Variants in ACOXL observed in about 807,000 individuals in gnomAD.
ACOXL encodes the protein acyl-CoA oxidase like.
ACOXL carries 70 observed loss-of-function variants against 71.9 expected under a neutral mutation model. The ratio of observed to expected loss-of-function variants is 0.97; its 90% confidence interval spans 0.80 to 1.19. The LOEUF (loss-of-function observed/expected upper bound fraction) is 1.19. ACOXL is among the 50% of genes most tolerant of loss of function. The pLI, the probability that ACOXL is intolerant of heterozygous loss-of-function variation, is 0.00. For synonymous variants in ACOXL, 253 were observed against 281.6 expected, an observed-to-expected ratio of 0.90 and a Z score of 1.02; for missense variants, 703 against 736.3, an observed-to-expected ratio of 0.95 and a Z score of 0.52.
At chr2:110,929,423 A>G (rs1393335004) in intron 11 of ACOXL, among the ~76,000 whole-genome samples, 2 of 152,238 alleles carry the variant, frequency 1.3e-5, no homozygotes, top group African/African-American at 4.8e-5. Flanking sequence ...GGCATTCAAG[A>G]GATGACTTGG....
intron 12 of ACOXL, among the ~76,000 whole-genome samples, chr2:110,937,495 T>C (rs2060708899): frequency 6.6e-6 from 1 of 152,254 alleles, no homozygotes; most frequent in African/African-American, 2.4e-5. Context: ...TCCATTTTTG[T>C]TCCTTCCCTT....
At chr2:110,968,150 C>T in intron 12 of ACOXL, 1 of 1,298,558 alleles carries the variant, frequency 7.7e-7, no homozygotes, top group Non-Finnish European at 1.1e-6. Flanking sequence ...CTGCTGCTGG[C>T]CCGCAGGCTT....
intron 2 of ACOXL, among the ~76,000 whole-genome samples, chr2:110,780,730 G>A (rs530792806): frequency 6.6e-6 from 1 of 152,120 alleles, no homozygotes; most frequent in African/African-American, 2.4e-5. Flanking sequence ...AGTGGATGGT[G>A]ATACAAAAAG....
intron 17 of ACOXL, among the ~76,000 whole-genome samples, chr2:111,116,847 A>G (rs2070391501): frequency 6.6e-6 from 1 of 151,906 alleles, no homozygotes; most frequent in South Asian, 2.1e-4. Flanking sequence ...CACCTAAGCC[A>G]TGGAAAATGA....
Position 111,094,999 on chromosome 2 carries a change from G to A in ACOXL, c.1542+2033G>A, listed in dbSNP as rs971847110. On this transcript the variant is annotated intron_variant, in intron 17 of 17. Transcript: ENST00000439055. ...AGTAGAAGATGCCAGCCTTCATAAA[G>A]GACAGGCCCAGAACTAACAGTGTTA... Among the ~76,000 whole-genome samples, 3 of 152,252 alleles carry A rather than the reference G, an allele frequency of 2.0e-5. No homozygotes were observed. In the East Asian group the frequency reaches 5.8e-4, roughly 29 times the overall value.
At chr2:110,921,639 C>T (rs1010448105) in intron 11 of ACOXL, among the ~76,000 whole-genome samples, 10 of 151,922 alleles carry the variant, frequency 6.6e-5, no homozygotes, top group African/African-American at 1.5e-4. Flanking sequence ...GTGATCTGCC[C>T]GCCTTGGCCT....
chr2:110,820,074 G>T (rs188142868), intron 9 of ACOXL, among the ~76,000 whole-genome samples: 68 of 152,286 alleles, frequency 4.5e-4, no homozygotes, highest in Non-Finnish European at 7.8e-4. Context: ...AGACTTCCGT[G>T]TGGTCGTGGT....
intron 16 of ACOXL, among the ~76,000 whole-genome samples, chr2:111,061,887 A>G (rs2149885309): frequency 6.6e-6 from 1 of 152,176 alleles, no homozygotes; most frequent in African/African-American, 2.4e-5. Context: ...ACTCTAAAAA[A>G]TGCCCAAGTC....
chr2:111,112,115 T>G (rs1444865024), intron 17 of ACOXL, among the ~76,000 whole-genome samples: 1 of 152,264 alleles, frequency 6.6e-6, no homozygotes, highest in African/African-American at 2.4e-5. Context: ...TGCTAAATAT[T>G]GTTTATCAAC....
At chr2:110,826,295 A>G (rs1169071200) in intron 9 of ACOXL, among the ~76,000 whole-genome samples, 1 of 152,180 alleles carries the variant, frequency 6.6e-6, no homozygotes, top group Non-Finnish European at 1.5e-5. Context: ...AATATTTAAT[A>G]TTGTACTCAA....
intron 16 of ACOXL, among the ~76,000 whole-genome samples, chr2:111,053,123 C>G (rs966289231): frequency 5.9e-5 from 9 of 152,166 alleles, no homozygotes; most frequent in African/African-American, 2.2e-4. Context: ...AATTAGACCA[C>G]CCCAAAGACC....
At chr2:111,076,878 T>A (rs2067627883) in intron 16 of ACOXL, among the ~76,000 whole-genome samples, 1 of 152,158 alleles carries the variant, frequency 6.6e-6, no homozygotes, top group Non-Finnish European at 1.5e-5. Context: ...CTTCTGGCAT[T>A]CCTTGACTGT....
intron 16 of ACOXL, among the ~76,000 whole-genome samples, chr2:111,057,857 A>G (rs2066622738): frequency 1.3e-5 from 2 of 152,260 alleles, no homozygotes; most frequent in Non-Finnish European, 2.9e-5. Context: ...AAGCATCTAA[A>G]TAAGTATCTA....
chr2:111,066,838 ACT>A (rs904583406), intron 16 of ACOXL, among the ~76,000 whole-genome samples: 1 of 152,174 alleles, frequency 6.6e-6, no homozygotes, highest in African/African-American at 2.4e-5. Flanking sequence ...TGGGGATTTA[ACT>A]CTCATACATT....
intron 17 of ACOXL, among the ~76,000 whole-genome samples, chr2:111,097,339 G>A (rs1427828393): frequency 6.6e-6 from 1 of 152,158 alleles, no homozygotes; most frequent in African/African-American, 2.4e-5. Flanking sequence ...CTTACACAGA[G>A]ATGAGAAAAC....
intron 12 of ACOXL, chr2:110,968,184 C>A: frequency 8.7e-7 from 1 of 1,146,268 alleles, no homozygotes; most frequent in South Asian, 1.2e-5. Flanking sequence ...GCACAGACAA[C>A]ATCTATGAAG....
At chr2:110,958,080 A>C (rs11123253) in intron 12 of ACOXL, among the ~76,000 whole-genome samples, 1 of 149,216 alleles carries the variant, frequency 6.7e-6, no homozygotes, top group East Asian at 2.0e-4. Flanking sequence ...GAATTTTGAG[A>C]GGACACAATG....
chr2:110,767,076 T>C (rs968491392), intron 1 of ACOXL, among the ~76,000 whole-genome samples: 2 of 152,192 alleles, frequency 1.3e-5, no homozygotes, highest in Admixed American at 6.5e-5. Context: ...TTTGCTCTGA[T>C]GTTTTTCTGT....
rs541091980 is a variant in ACOXL at position 111,046,530 on chromosome 2, C to A, written c.1370-2688C>A. Among the ~76,000 whole-genome samples, 10 of 152,316 alleles carry A rather than the reference C, an allele frequency of 6.6e-5. No homozygotes were observed. In the East Asian group the frequency reaches 1.4e-3, roughly 21 times the overall value. The stretch of plus-strand genomic sequence containing the variant: ...CTTACAATCATGGCAGAAAGGGAAG[C>A]AAACACGTCCTTCTTCACATGGTGG... On this transcript the variant is annotated intron_variant, in intron 15 of 17. Coordinates refer to ENST00000439055, the MANE Select transcript of ACOXL (RefSeq NM_001142807.4).
Sources: allele counts gnomAD v4.1 joint callset (sites outside exome capture counted in the v4.1 genomes callset), GRCh38; gene constraint gnomAD v4.1.1; transcripts MANE v1.5; gene names NCBI Gene and HGNC (gene_info 2026-07-23, HGNC 2026-07-21).